Variants in GBA2 observed in about 807,000 individuals in gnomAD.
GBA2 encodes non-lysosomal glucosylceramidase.
GBA2 carries 79 observed loss-of-function variants against 112.9 expected under a neutral mutation model. That is an observed-to-expected ratio of 0.70 (90% CI 0.58 to 0.84). The LOEUF is 0.84. GBA2 is among the 40% of genes least tolerant of loss of function. The probability of loss-of-function intolerance (pLI) is 0.00; values close to 1 mark genes in which losing one functional copy is unlikely to be tolerated. For missense variants in GBA2, 1,043 were observed against 1,190.0 expected, an observed-to-expected ratio of 0.88 and a Z score of 1.82; for synonymous variants, 403 against 434.3, an observed-to-expected ratio of 0.93 and a Z score of 0.90.
chr9:35,740,691 C>T lies in GBA2; in HGVS notation c.1027-63G>A, dbSNP rs1826609972. On this transcript the variant is annotated intron_variant, in intron 5 of 16. Coordinates refer to ENST00000378103, the MANE Select transcript of GBA2 (RefSeq NM_020944.3). This position sits in a 1 kb window ranked among gnomAD's most constrained non-coding sequence, Gnocchi z 4.7. ...GAGTACACTGGGTCCCGGCTAGCTCCCCAGCTCCTCTTACTTACTCTTAAC... is the reference window on the plus strand; with the variant it reads ...GAGTACACTGGGTCCCGGCTAGCTCTCCAGCTCCTCTTACTTACTCTTAAC... 6.6e-7 allele frequency: 1 copy of T among 1,524,370 alleles called. No individual in the cohort carries two copies. The highest frequency in any genetic ancestry group is 9.1e-7 in the Non-Finnish European group (1 of 1,101,850). 94.4% of individuals were successfully genotyped at this position (1,524,370 alleles called of 1,614,324 possible). A position where few individuals can be genotyped will look rare whatever the true frequency, so the allele number is the denominator to read the frequency against.
chr9:35,740,623 A>G lies in GBA2; in HGVS notation c.1032T>C (p.Ala344=). The part of the protein sequence containing the change: ...TMAVAARVTA[A]TTVTHITAFD... ...AGGCTGTGATGTGGGTTACCGTGGT[A>G]GCTGCCTGTGAAGGGGTCAGGGACT... Residue 344 remains alanine, a synonymous_variant, in exon 6 of 17, where the codon GCT becomes GCC. Coordinates refer to ENST00000378103, the MANE Select transcript of GBA2 (RefSeq NM_020944.3). The surrounding 1 kb of genome is among the most constrained non-coding windows in gnomAD (Gnocchi z 4.7). 1 of 1,613,004 alleles carries G rather than the reference A, an allele frequency of 6.2e-7. No homozygotes were observed. Among genetic ancestry groups the G allele is most frequent in the Non-Finnish European group, 8.5e-7 (1 of 1,178,958 alleles).
Position 35,740,369 on chromosome 9 carries a change from G to A in GBA2, c.1130-7C>T, listed in dbSNP as rs779500462. 1.2e-6 allele frequency: 2 copies of A among 1,612,036 alleles called. No homozygotes were observed. Among genetic ancestry groups the A allele is most frequent in the Non-Finnish European group, 8.5e-7 (1 of 1,179,742 alleles). Reference sequence around the variant, plus strand: ...TGCGTAGGGGTGCTTTGGCCTGAGAGAAACACAAGAGAATTCAGGACAGGA... The same window carrying A: ...TGCGTAGGGGTGCTTTGGCCTGAGAAAAACACAAGAGAATTCAGGACAGGA... On this transcript the variant is annotated splice_region_variant and splice_polypyrimidine_tract_variant and intron_variant, in intron 6 of 16. Transcript: ENST00000378103. This position sits in a 1 kb window ranked among gnomAD's most constrained non-coding sequence, Gnocchi z 4.7.
Position 35,744,352 on chromosome 9 carries a change from C to T in GBA2, c.512G>A (p.Cys171Tyr). The T allele has an allele frequency of 1.2e-6, 2 of 1,613,668 alleles. No individual in the cohort carries two copies. Among genetic ancestry groups the T allele is most frequent in the Non-Finnish European group, 1.7e-6 (2 of 1,179,592 alleles). ...TITRGWRGQFCRWQLNPGMYQ... is the reference protein window; with the variant it reads ...TITRGWRGQFYRWQLNPGMYQ... ...CATTCCAGGGTTAAGCTGCCAACGA[C>T]AGAACTGGCCTCTCCAGCCACGGGT... The change falls in exon 3 of 17, where the codon TGT becomes TAT. Residue 171 changes from cysteine (C) to tyrosine (Y), a missense_variant. Coordinates refer to ENST00000378103, the MANE Select transcript of GBA2 (RefSeq NM_020944.3).
intron 3 of GBA2, 71 bp downstream of exon 3, chr9:35,744,221 TCTACA>T: frequency 1.2e-6 from 1 of 816,666 alleles, no homozygotes; most frequent in South Asian, 1.4e-5. Context: ...ACTGCTACCT[TCTACA>T]CTAGCCAAGA....
At position 35,748,696 on chromosome 9, in the gene GBA2, G is replaced by C; in HGVS notation, c.9C>G (p.Thr3=). 1.3e-6 allele frequency: 2 copies of C among 1,556,868 alleles called. No homozygotes were observed. The highest frequency in any genetic ancestry group is 1.7e-6 in the Non-Finnish European group (2 of 1,147,832). Residue 3 remains threonine (T), a synonymous_variant, in exon 1 of 17, where the codon ACC becomes ACG. Transcript: ENST00000378103. MG[T]QDPGNMGTGV... ...CGGTTCCCATGTTCCCTGGATCCTG[G>C]GTCCCCATGACCTCGATGGCGCCAA...
intron 1 of GBA2, among the ~76,000 whole-genome samples, chr9:35,747,580 C>A (rs191171967): frequency 6.6e-6 from 1 of 152,230 alleles, no homozygotes; most frequent in Non-Finnish European, 1.5e-5. Context: ...TTATGCCTCC[C>A]TCCACAGTTC....
chr9:35,747,461 C>T (rs1827025880), intron 1 of GBA2, among the ~76,000 whole-genome samples: 2 of 152,178 alleles, frequency 1.3e-5, no homozygotes, highest in African/African-American at 2.4e-5. Context: ...TTCCCACTCC[C>T]CAGGGCTAGG....
rs771631894 is a variant in GBA2 at position 35,748,868 on chromosome 9, G to T, written c.-164C>A. 1.2e-5 allele frequency: 7 copies of T among 565,152 alleles called. No homozygotes were observed. The highest frequency in any genetic ancestry group is 8.2e-5 in the South Asian group (3 of 36,572). 35.0% of individuals were successfully genotyped at this position (565,152 alleles called of 1,614,324 possible). ...GTGGAGCCGGGGAGCTCTTGCTTCA[G>T]TGGGGGCGGCGACAGCAAAGAAGCC... On this transcript the variant is annotated 5_prime_UTR_variant, in exon 1 of 17. It adds an upstream start codon to the 5' untranslated region. Transcript: ENST00000378103.
At chr9:35,739,555 C>G in intron 9 of GBA2, 73 bp downstream of exon 9, 3 of 1,451,644 alleles carry the variant, frequency 2.1e-6, no homozygotes, top group Non-Finnish European at 2.9e-6. Context: ...CTAACCAATA[C>G]CCTGGGGTAG....
chr9:35,738,361 C>G lies in GBA2; in HGVS notation c.2068G>C (p.Gly690Arg). ...ACAGCCACAGCTGCCAGCCACAGCC[C>G]TCCACAGTAAGCACTGATCAGGGAC... ...VTTGPSAYCGGLWLAAVAVMV... is the reference protein window; with the variant it reads ...VTTGPSAYCGRLWLAAVAVMV... The change falls in exon 14 of 17, where the codon GGG becomes CGG. Residue 690 changes from glycine to arginine, a missense_variant. By Grantham distance (125) the Gly-to-Arg change is moderately radical. Transcript: ENST00000378103. 6.2e-7 allele frequency: 1 copy of G among 1,614,142 alleles called. No homozygotes were observed. The highest frequency in any genetic ancestry group is 2.2e-5 in the East Asian group (1 of 44,890).
At chr9:35,739,451 G>T in intron 9 of GBA2, 32 bp from the exon 10 acceptor site, 1 of 1,505,408 alleles carries the variant, frequency 6.6e-7, no homozygotes, top group Non-Finnish European at 9.2e-7. Context: ...ACTGTTGCCA[G>T]AATTCCTGCT....
chr9:35,739,904 A>G (rs1265000329), intron 8 of GBA2, 94 bp downstream of exon 8: 7 of 1,553,348 alleles, frequency 4.5e-6, no homozygotes, highest in Admixed American at 1.7e-5. Flanking sequence ...ATCCCAGTGC[A>G]AGTCTACTGA....
Position 35,748,990 on chromosome 9 carries a change from G to T in GBA2, c.-286C>A, listed in dbSNP as rs376912899. ...GACGATTAGCTCGCCCGGCCAAAGG[G>T]CGACTGGGCCCGCAGAGAGGGGAGG... On this transcript the variant is annotated 5_prime_UTR_variant, in exon 1 of 17. Transcript: ENST00000378103. The T allele has an allele frequency of 2.0e-4, 59 of 289,012 alleles. No individual in the cohort carries two copies. The highest frequency in any genetic ancestry group is 1.2e-3 in the African/African-American group (56 of 45,588). 17.9% of individuals were successfully genotyped at this position (289,012 alleles called of 1,614,324 possible). A position where few individuals can be genotyped will look rare whatever the true frequency, so the allele number is the denominator to read the frequency against.
At position 35,739,293 on chromosome 9, in the gene GBA2, G is replaced by A. The variant is rs370585884; in HGVS notation, c.1687+22C>T. 1.0e-4 allele frequency: 153 copies of A among 1,503,940 alleles called. No homozygotes were observed. In the African/African-American group the frequency reaches 2.0e-3, roughly 20 times the overall value. The allele number at this position is 1,503,940 out of a possible 1,614,324, so 93.2% of individuals were successfully genotyped here. A position where few individuals can be genotyped will look rare whatever the true frequency, so the allele number is the denominator to read the frequency against. On this transcript the variant is annotated intron_variant, in intron 10 of 16. Coordinates refer to ENST00000378103, the MANE Select transcript of GBA2 (RefSeq NM_020944.3). ...GGTATGGGGAGCCAAGAGGGCAGAA[G>A]CGGCACAAAAGGGATCCTCACCCAT...
chr9:35,738,778 G>T lies in GBA2; in HGVS notation c.1921C>A (p.Leu641Met). 6.2e-7 allele frequency: 1 copy of T among 1,614,196 alleles called. No individual in the cohort carries two copies. Among genetic ancestry groups the T allele is most frequent in the Non-Finnish European group, 8.5e-7 (1 of 1,180,018 alleles). ...DYYLTGDQNF[L>M]KDMWPVCLAV... ...AGACACACAGGCCACATGTCCTTCA[G>T]GAAGTTTTGATCACCCGTGAGGTAA... Residue 641 changes from leucine to methionine, a missense_variant, in exon 12 of 17, where the codon CTG (leucine) becomes ATG (methionine). Physicochemically the swap from Leu to Met is conservative, Grantham distance 15. Coordinates refer to ENST00000378103, the MANE Select transcript of GBA2 (RefSeq NM_020944.3).
At position 35,747,298 on chromosome 9, in the gene GBA2, T is replaced by C. The variant is rs141630441; in HGVS notation, c.359+1048A>G. Among the ~76,000 whole-genome samples, 56 of 152,244 alleles carry C rather than the reference T, an allele frequency of 3.7e-4. No individual in the cohort carries two copies. The East Asian group carries it at 0.01, about 28-fold the overall frequency. ...TACCACATGCAACTCAGTGTACTTC[T>C]CTATGTACACTAGATCCTATTTTGA... On this transcript the variant is annotated intron_variant, in intron 1 of 16. Transcript: ENST00000378103.
chr9:35,738,672 G>A (rs1176213040), intron 12 of GBA2, 40 bp from the exon 13 acceptor site: 10 of 1,601,674 alleles, frequency 6.2e-6, no homozygotes, highest in Non-Finnish European at 8.6e-6. Context: ...AGGTACCGAG[G>A]AAAGGCAACA....
Position 35,738,506 on chromosome 9 carries a change from G to A in GBA2, c.2054+20C>T. 6.3e-7 allele frequency: 1 copy of A among 1,598,954 alleles called. No individual in the cohort carries two copies. The highest frequency in any genetic ancestry group is 1.1e-5 in the South Asian group (1 of 90,782). ...CCCAGTTTCTCACCTCAGGCCTCCT[G>A]GAAACCCCTACCCGCTAACCTGGGG... On this transcript the variant is annotated intron_variant, in intron 13 of 16. Transcript: ENST00000378103.
intron 3 of GBA2, among the ~76,000 whole-genome samples, chr9:35,743,833 A>G (rs1826832454): frequency 1.3e-5 from 2 of 152,212 alleles, no homozygotes; most frequent in Admixed American, 6.5e-5. Flanking sequence ...CCTCCAGGGG[A>G]GTGATCAGCA....
Sources: allele counts gnomAD v4.1 joint callset (sites outside exome capture counted in the v4.1 genomes callset), GRCh38; gene constraint gnomAD v4.1.1; non-coding constraint Gnocchi (gnomAD v3.1); transcripts MANE v1.5; gene names NCBI Gene and HGNC (gene_info 2026-07-23, HGNC 2026-07-21).